ATL1: variants seen among roughly 807,000 people sequenced by gnomAD.
ATL1 encodes the protein atlastin GTPase 1.
A neutral mutation model predicts 75.5 loss-of-function variants in ATL1; 31 were observed. The observed-to-expected ratio is 0.41, with a 90% CI of 0.31 to 0.55. The LOEUF is 0.55. Ranked by LOEUF, ATL1 falls within the 20% of genes least tolerant of loss-of-function variation. The probability of loss-of-function intolerance (pLI) is 0.27; values close to 1 mark genes in which losing one functional copy is unlikely to be tolerated. For missense variants in ATL1, 405 were observed against 662.6 expected, an observed-to-expected ratio of 0.61 and a Z score of 4.27; for synonymous variants, 226 against 233.3, an observed-to-expected ratio of 0.97 and a Z score of 0.28.
chr14:50,610,765 T>C (rs913374196), intron 6 of ATL1, among the ~76,000 whole-genome samples: 1 of 152,206 alleles, frequency 6.6e-6, no homozygotes, highest in Admixed American at 6.6e-5. Context: ...AAGGATACTA[T>C]AATGATCAAG....
intron 11 of ATL1, among the ~76,000 whole-genome samples, chr14:50,624,121 G>A (rs1251368896): frequency 6.6e-6 from 1 of 151,858 alleles, no homozygotes; most frequent in East Asian, 1.9e-4. Context: ...GGAAAATGTA[G>A]TATATGGAGT....
intron 2 of ATL1, among the ~76,000 whole-genome samples, chr14:50,589,252 C>T (rs369998999): frequency 2.4e-4 from 37 of 151,142 alleles, no homozygotes; most frequent in African/African-American, 8.8e-4. Flanking sequence ...CTCTGCCTCC[C>T]GGGTTCAAGG....
intron 6 of ATL1, among the ~76,000 whole-genome samples, chr14:50,599,404 A>G (rs1458696886): frequency 6.6e-6 from 1 of 152,226 alleles, no homozygotes; most frequent in Non-Finnish European, 1.5e-5. Flanking sequence ...AAAGTAGAAC[A>G]TGGAGATAAT....
intron 1 of ATL1, among the ~76,000 whole-genome samples, chr14:50,582,128 A>G (rs920493609): frequency 1.3e-5 from 2 of 151,806 alleles, no homozygotes; most frequent in Admixed American, 1.3e-4. Flanking sequence ...TAAAAATACA[A>G]AAAATTAGCC....
chr14:50,600,845 C>T (rs1483057871), intron 6 of ATL1, among the ~76,000 whole-genome samples: 3 of 151,970 alleles, frequency 2.0e-5, no homozygotes, highest in Non-Finnish European at 4.4e-5. Flanking sequence ...CTCATGCCTG[C>T]AATTCCAGTA....
At chr14:50,555,313 G>A (rs541344118), upstream of ATL1, among the ~76,000 whole-genome samples, 61 of 152,134 alleles carry the variant, frequency 4.0e-4, no homozygotes, top group African/African-American at 1.4e-3. Flanking sequence ...ACGGAGTCTC[G>A]CTCTGTCACC....
At chr14:50,619,339 G>A (rs575650247) in intron 8 of ATL1, among the ~76,000 whole-genome samples, 4 of 152,256 alleles carry the variant, frequency 2.6e-5, no homozygotes, top group Admixed American at 6.5e-5. Context: ...GATTACAGGC[G>A]TAAGCCACTG....
intron 1 of ATL1, among the ~76,000 whole-genome samples, chr14:50,576,067 A>G (rs575908277): frequency 1.6e-4 from 25 of 152,342 alleles, no homozygotes; most frequent in African/African-American, 5.8e-4. Context: ...AGCAATACCT[A>G]TTCAGTAGAA....
intron 1 of ATL1, among the ~76,000 whole-genome samples, chr14:50,580,932 AC>A (rs1378664483): frequency 6.6e-6 from 1 of 151,974 alleles, no homozygotes; most frequent in African/African-American, 2.4e-5. Flanking sequence ...TATAAGTGAT[AC>A]TTTTAATTTG....
chr14:50,533,517 T>G (rs1242718611), intron 1 of ATL1: 1 of 152,146 alleles, frequency 6.6e-6, no homozygotes, highest in Non-Finnish European at 1.5e-5. Flanking sequence ...TGGCTGATAT[T>G]TCACAAGCTG....
intron 1 of ATL1, among the ~76,000 whole-genome samples, chr14:50,578,239 A>G (rs1411570395): frequency 6.6e-6 from 1 of 152,200 alleles, no homozygotes; most frequent in Non-Finnish European, 1.5e-5. Context: ...ATCACAACTC[A>G]GGTATTTGTT....
chr14:50,607,303 T>G (rs2039324422), intron 6 of ATL1, among the ~76,000 whole-genome samples: 1 of 152,098 alleles, frequency 6.6e-6, no homozygotes, highest in African/African-American at 2.4e-5. Context: ...AACTTATTGC[T>G]TAGTGAACTA....
At position 50,566,485 on chromosome 14, in the gene ATL1, A is replaced by G. The variant is rs181396932; in HGVS notation, c.34+6186A>G. On this transcript the variant is annotated intron_variant, in intron 1 of 13. Transcript: ENST00000358385. The stretch of plus-strand genomic sequence containing the variant: ...TCTAGAGTGTGCATTTTTCCACAAG[A>G]TATTTTGTTCACTCCACATCCTTAC... Among the ~76,000 whole-genome samples the G allele has an allele frequency of 2.3e-4, 35 of 152,222 alleles. No homozygotes were observed. The South Asian group carries it at 6.4e-3, about 28-fold the overall frequency.
exon 1 of ATL1, chr14:50,533,085 T>C (rs1480141360): frequency 1.3e-5 from 2 of 152,356 alleles, no homozygotes; most frequent in African/African-American, 4.8e-5. Flanking sequence ...TGGTACCAGT[T>C]TGAGGCTGCA....
chr14:50,549,853 C>T (rs987291030), intron 1 of ATL1, among the ~76,000 whole-genome samples: 4 of 152,200 alleles, frequency 2.6e-5, no homozygotes, highest in Non-Finnish European at 5.9e-5. Flanking sequence ...TGAAACCATA[C>T]AAATTTTAAA....
chr14:50,582,692 C>A (rs2039068102), intron 1 of ATL1, among the ~76,000 whole-genome samples: 2 of 151,656 alleles, frequency 1.3e-5, no homozygotes, highest in South Asian at 4.2e-4. Context: ...TCCCAAAGTG[C>A]TGGGATTACA....
intron 8 of ATL1, among the ~76,000 whole-genome samples, chr14:50,619,188 G>A (rs2039443268): frequency 6.6e-6 from 1 of 152,186 alleles, no homozygotes; most frequent in African/African-American, 2.4e-5. Flanking sequence ...GAGTAGCTGG[G>A]ACTACAGGCA....
At chr14:50,574,933 GTGTGTATATA>G (rs1375229325) in intron 1 of ATL1, among the ~76,000 whole-genome samples, 851 of 45,830 alleles carry the variant, frequency 0.019, 11 homozygotes, top group East Asian at 0.059. Context: ...GTGTGTGTGT[GTGTGTATATA>G]TATATATATA....
intron 1 of ATL1, among the ~76,000 whole-genome samples, chr14:50,544,271 A>G (rs540379837): frequency 6.6e-6 from 1 of 152,338 alleles, no homozygotes; most frequent in East Asian, 1.9e-4. Context: ...CATGATGATC[A>G]CTTTGGCCCT....
Sources: gnomAD v4.1 joint callset for allele counts (sites outside exome capture counted in the v4.1 genomes callset) on GRCh38, gnomAD v4.1.1 for gene constraint, MANE v1.5 for transcripts, NCBI Gene and HGNC (gene_info 2026-07-23, HGNC 2026-07-21) for gene names.